Variants in AGPAT4 observed in about 807,000 individuals in gnomAD.
AGPAT4 encodes the protein 1-acylglycerol-3-phosphate O-acyltransferase 4, also known as 1-acyl-sn-glycerol-3-phosphate acyltransferase delta.
Under a neutral mutation model 48.0 loss-of-function variants are expected in AGPAT4, and 15 were observed. The ratio of observed to expected loss-of-function variants is 0.31; its 90% CI spans 0.21 to 0.48. The LOEUF (loss-of-function observed/expected upper bound fraction) is 0.48, where lower values mean the gene tolerates loss of function less well. AGPAT4 is among the 20% of genes least tolerant of loss of function. AGPAT4 has a pLI of 0.99. For missense variants in AGPAT4, 314 were observed against 482.5 expected (o/e 0.65, Z 3.27); for synonymous variants, 178 against 198.7 (o/e 0.90, Z 0.88).
chr6:161,219,235 G>A lies in AGPAT4; in HGVS notation c.178+12801C>T, dbSNP rs985846940. On this transcript the variant is annotated intron_variant, in intron 2 of 8. Transcript: ENST00000320285. The surrounding 1 kb of genome is among the most constrained non-coding windows in gnomAD (Gnocchi z 4.9). ...ATAGCTAAGGCAGTGGTCTTTCAAT[G>A]TTTTTGATTCCTTAAAAAAAAAATT... Among the ~76,000 whole-genome samples the A allele has an allele frequency of 6.6e-6, 1 of 151,388 alleles. No homozygotes were observed. Among genetic ancestry groups the A allele is most frequent in the East Asian group, 1.9e-4 (1 of 5,168 alleles).
chr6:161,213,283 G>A (rs1006959914), intron 2 of AGPAT4, among the ~76,000 whole-genome samples: 1 of 152,164 alleles, frequency 6.6e-6, no homozygotes, highest in African/African-American at 2.4e-5. Context: ...TTGCTGCACT[G>A]TATACAAATA....
In AGPAT4 at chr6:161,158,641, G is replaced by A. The variant is rs1779831764; in HGVS notation, c.349-4331C>T. Among the ~76,000 whole-genome samples the A allele has an allele frequency of 6.6e-6, 1 of 152,210 alleles. No homozygotes were observed. Among genetic ancestry groups the A allele is most frequent in the South Asian group, 2.1e-4 (1 of 4,832 alleles). The stretch of plus-strand genomic sequence containing the variant: ...GTGGGCCAGCCCTTGCAGAGACCCT[G>A]GACGTTGGGAAGAGCTGACGCAGAG... On this transcript the variant is annotated intron_variant, in intron 3 of 8. Coordinates refer to ENST00000320285, the MANE Select transcript of AGPAT4 (RefSeq NM_020133.3). This position sits in a 1 kb window ranked among gnomAD's most constrained non-coding sequence, Gnocchi z 5.3.
At chr6:161,257,398 G>A (rs1410572243) in intron 1 of AGPAT4, among the ~76,000 whole-genome samples, 1 of 152,122 alleles carries the variant, frequency 6.6e-6, no homozygotes, top group Non-Finnish European at 1.5e-5. Context: ...ACAGAAACTG[G>A]ATCACTGATT....
intron 2 of AGPAT4, among the ~76,000 whole-genome samples, chr6:161,181,044 A>C (rs1780572238): frequency 6.6e-6 from 1 of 152,182 alleles, no homozygotes. Flanking sequence ...CACCCTGAGG[A>C]ACTGGGCATC....
intron 2 of AGPAT4, among the ~76,000 whole-genome samples, chr6:161,210,631 T>C (rs780943939): frequency 5.9e-5 from 9 of 152,230 alleles, no homozygotes; most frequent in African/African-American, 9.6e-5. Context: ...TTAACTAATA[T>C]ATTTAATAAA....
At position 161,231,535 on chromosome 6, in the gene AGPAT4, T is replaced by C. The variant is rs1782121918; in HGVS notation, c.178+501A>G. Among the ~76,000 whole-genome samples the C allele has an allele frequency of 6.6e-6, 1 of 152,152 alleles. No homozygotes were observed. The highest frequency in any genetic ancestry group is 2.1e-4 in the South Asian group (1 of 4,824). On this transcript the variant is annotated intron_variant, in intron 2 of 8. Transcript: ENST00000320285. This position sits in a 1 kb window ranked among gnomAD's most constrained non-coding sequence, Gnocchi z 5.3. ...AGTGTACAGAATTTCTCAGTATTATTTGTTACAGCTTCATGTGAATCTATT... is the reference window on the plus strand; with the variant it reads ...AGTGTACAGAATTTCTCAGTATTATCTGTTACAGCTTCATGTGAATCTATT...
At position 161,200,838 on chromosome 6, in the gene AGPAT4, C is replaced by T. The variant is rs1781220190; in HGVS notation, c.178+31198G>A. ...ATTCTATTTGGCCACAATTTCTGATCCATCCAAACTCATAAACACAGATAC... is the reference window on the plus strand; with the variant it reads ...ATTCTATTTGGCCACAATTTCTGATTCATCCAAACTCATAAACACAGATAC... On this transcript the variant is annotated intron_variant, in intron 2 of 8. Coordinates refer to ENST00000320285, the MANE Select transcript of AGPAT4 (RefSeq NM_020133.3). The surrounding 1 kb of genome is among the most constrained non-coding windows in gnomAD (Gnocchi z 5.5). 6.6e-6 allele frequency among the ~76,000 whole-genome samples: 1 copy of T among 152,192 alleles called. No individual in the cohort carries two copies. The highest frequency in any genetic ancestry group is 2.4e-5 in the African/African-American group (1 of 41,450).
rs1174442172 is a variant in AGPAT4, at chr6:161,255,973, A to G, written c.-90+17965T>C. 6.6e-6 allele frequency among the ~76,000 whole-genome samples: 1 copy of G among 152,168 alleles called. No homozygotes were observed. Among genetic ancestry groups the G allele is most frequent in the Admixed American group, 6.5e-5 (1 of 15,280 alleles). On this transcript the variant is annotated intron_variant, in intron 1 of 8. Transcript: ENST00000320285. The surrounding 1 kb of genome is among the most constrained non-coding windows in gnomAD (Gnocchi z 4.7). ...GAGTCAGCCTTCAGTCCACACAGCC[A>G]TGTCAACACATAGAGGGACATGCTG...
In AGPAT4 at chr6:161,225,792, GA is replaced by G. The variant is rs1222445813; in HGVS notation, c.178+6243del. Among the ~76,000 whole-genome samples the G allele has an allele frequency of 6.6e-6, 1 of 152,220 alleles. No individual in the cohort carries two copies. Among genetic ancestry groups the G allele is most frequent in the African/African-American group, 2.4e-5 (1 of 41,464 alleles). ...AAAAGAGGAAAAGGTTGTCCCAACA[GA>G]TAAACTCGTGGGCCGCTTGCTCAGT... On this transcript the variant is annotated intron_variant, in intron 2 of 8. Transcript: ENST00000320285. This position sits in a 1 kb window ranked among gnomAD's most constrained non-coding sequence, Gnocchi z 5.0.
chr6:161,219,868 T>C lies in AGPAT4; in HGVS notation c.178+12168A>G, dbSNP rs1367129654. The stretch of plus-strand genomic sequence containing the variant: ...ATAGATAGATAGATAGATAGATAGA[T>C]AGATAGGCAGGCAGGCAGGCAGGCA... On this transcript the variant is annotated intron_variant, in intron 2 of 8. Coordinates refer to ENST00000320285, the MANE Select transcript of AGPAT4 (RefSeq NM_020133.3). The surrounding 1 kb of genome is among the most constrained non-coding windows in gnomAD (Gnocchi z 4.9). 4.9e-4 allele frequency among the ~76,000 whole-genome samples: 54 copies of C among 109,810 alleles called. No homozygotes were observed. The highest frequency in any genetic ancestry group is 1.2e-3 in the African/African-American group (32 of 27,002). The allele number at this position is 109,810 out of a possible 152,430, so 72.0% of individuals were successfully genotyped here.
In AGPAT4 at chr6:161,147,934, A is replaced by G. The variant is rs1779479774; in HGVS notation, c.767+1253T>C. Among the ~76,000 whole-genome samples the G allele has an allele frequency of 6.6e-6, 1 of 152,248 alleles. No homozygotes were observed. Among genetic ancestry groups the G allele is most frequent in the Non-Finnish European group, 1.5e-5 (1 of 68,048 alleles). Reference sequence around the variant, plus strand: ...AAAAGATGTGTGTTGAATAGCATCAATGCTAACCTTCCTCTGGGGTCAAGA... The same window carrying G: ...AAAAGATGTGTGTTGAATAGCATCAGTGCTAACCTTCCTCTGGGGTCAAGA... On this transcript the variant is annotated intron_variant, in intron 6 of 8. Transcript: ENST00000320285. This position sits in a 1 kb window ranked among gnomAD's most constrained non-coding sequence, Gnocchi z 4.8.
intron 2 of AGPAT4, among the ~76,000 whole-genome samples, chr6:161,199,697 C>T (rs1781170323): frequency 1.3e-5 from 2 of 152,108 alleles, no homozygotes; most frequent in African/African-American, 2.4e-5. Context: ...AGTGAATTCT[C>T]GTGAGATCTG....
At position 161,260,031 on chromosome 6, in the gene AGPAT4, C is replaced by T. The variant is rs1017732981; in HGVS notation, c.-90+13907G>A. On this transcript the variant is annotated intron_variant, in intron 1 of 8. Coordinates refer to ENST00000320285, the MANE Select transcript of AGPAT4 (RefSeq NM_020133.3). ...GTCTCTGGAAGTGAACTGCGTGCCA[C>T]TATAACAAGCCAAGAACAGCATGTG... is the stretch of plus-strand genomic sequence containing the variant. Among the ~76,000 whole-genome samples, 6 of 152,098 alleles carry T rather than the reference C, an allele frequency of 3.9e-5. No homozygotes were observed. The South Asian group carries it at 8.3e-4, about 21-fold the overall frequency.
rs1780701305 is a variant in AGPAT4 at position 161,184,315 on chromosome 6, G to T, written c.179-17898C>A. ...GGCAGAGCCAGTGGAACTTGCTGTTGGGTTCAACGTGGTGTAAGAGACAGA... is the reference window on the plus strand; with the variant it reads ...GGCAGAGCCAGTGGAACTTGCTGTTTGGTTCAACGTGGTGTAAGAGACAGA... On this transcript the variant is annotated intron_variant, in intron 2 of 8. Coordinates refer to ENST00000320285, the MANE Select transcript of AGPAT4 (RefSeq NM_020133.3). The surrounding 1 kb of genome is among the most constrained non-coding windows in gnomAD (Gnocchi z 4.8). Among the ~76,000 whole-genome samples the T allele has an allele frequency of 6.6e-6, 1 of 152,060 alleles. No homozygotes were observed. Among genetic ancestry groups the T allele is most frequent in the African/African-American group, 2.4e-5 (1 of 41,382 alleles).
chr6:161,188,946 T>C (rs971699092), intron 2 of AGPAT4, among the ~76,000 whole-genome samples: 1 of 152,238 alleles, frequency 6.6e-6, no homozygotes, highest in Non-Finnish European at 1.5e-5. Context: ...GCAGAATTCC[T>C]GTACCAGCTG....
rs1439773107 is a variant in AGPAT4 at position 161,197,708 on chromosome 6, TAGA to T, written c.179-31294_179-31292del. Among the ~76,000 whole-genome samples, 21 of 152,180 alleles carry T rather than the reference TAGA, an allele frequency of 1.4e-4. No homozygotes were observed. Among genetic ancestry groups the T allele is most frequent in the South Asian group, 2.1e-4 (1 of 4,814 alleles). On this transcript the variant is annotated intron_variant, in intron 2 of 8. Coordinates refer to ENST00000320285, the MANE Select transcript of AGPAT4 (RefSeq NM_020133.3). This position sits in a 1 kb window ranked among gnomAD's most constrained non-coding sequence, Gnocchi z 5.7. ...CTGGACAGGTGGAAGGGTGGGAGGC[TAGA>T]AGGAGAGCCTGGGAAGGAGACCACT...
At chr6:161,250,144 G>A (rs1482604544) in intron 1 of AGPAT4, among the ~76,000 whole-genome samples, 1 of 152,148 alleles carries the variant, frequency 6.6e-6, no homozygotes, top group South Asian at 2.1e-4. Context: ...TAAATGATGA[G>A]AACACATGGA....
At chr6:161,239,417 A>G (rs1335300752) in intron 1 of AGPAT4, among the ~76,000 whole-genome samples, 7 of 152,256 alleles carry the variant, frequency 4.6e-5, no homozygotes, top group Non-Finnish European at 8.8e-5. Context: ...AACTTCAGTC[A>G]TACTCAGGAA....
chr6:161,141,157 A>T lies in AGPAT4; in HGVS notation c.844-1537T>A, dbSNP rs1779236773. 6.6e-6 allele frequency among the ~76,000 whole-genome samples: 1 copy of T among 152,028 alleles called. No individual in the cohort carries two copies. The highest frequency in any genetic ancestry group is 6.6e-5 in the Admixed American group (1 of 15,264). On this transcript the variant is annotated intron_variant, in intron 7 of 8. Coordinates refer to ENST00000320285, the MANE Select transcript of AGPAT4 (RefSeq NM_020133.3). This position sits in a 1 kb window ranked among gnomAD's most constrained non-coding sequence, Gnocchi z 6.7. ...CCACACACTAGGCCATTTTGGAAGG[A>T]GAACCCCCAACCCCTTCCCTGGGCA...
Sources: allele counts gnomAD v4.1 joint callset (sites outside exome capture counted in the v4.1 genomes callset), GRCh38; gene constraint gnomAD v4.1.1; non-coding constraint Gnocchi (gnomAD v3.1); transcripts MANE v1.5; gene names NCBI Gene and HGNC (gene_info 2026-07-23, HGNC 2026-07-21).